The following ST8SIA4 variants were observed in gnomAD, a reference collection of about 807,000 sequenced individuals.
ST8SIA4 encodes CMP-N-acetylneuraminate-poly-alpha-2,8-sialyltransferase.
Under a neutral mutation model 33.9 loss-of-function variants are expected in ST8SIA4, and 15 were observed. That is an observed-to-expected ratio of 0.44 (90% CI 0.30 to 0.68). The LOEUF is 0.68. Ranked by LOEUF, ST8SIA4 falls within the 30% of genes least tolerant of loss-of-function variation. ST8SIA4 has a pLI of 0.10. For synonymous variants in ST8SIA4, 171 were observed against 151.2 expected, an observed-to-expected ratio of 1.13 and a Z score of -0.96; for missense variants, 321 against 428.0, an observed-to-expected ratio of 0.75 and a Z score of 2.21.
chr5:100,900,850 C>T (rs889277753), intron 1 of ST8SIA4, among the ~76,000 whole-genome samples: 3 of 152,194 alleles, frequency 2.0e-5, no homozygotes, highest in Non-Finnish European at 4.4e-5. Context: ...TCTTCTCACT[C>T]ATTCTTTCCC....
rs949768782 is a variant in ST8SIA4, at chr5:100,859,193, C to A, written c.504-2797G>T. Among the ~76,000 whole-genome samples the A allele has an allele frequency of 4.6e-5, 7 of 152,130 alleles. No homozygotes were observed. The East Asian group carries it at 1.3e-3, about 29-fold the overall frequency. ...ACTAGCAGCAAAACTGCTGATTGAG[C>A]AGGATTATGAATATATTTGCCATCA... On this transcript the variant is annotated intron_variant, in intron 3 of 4. Coordinates refer to ENST00000231461, the MANE Select transcript of ST8SIA4 (RefSeq NM_005668.6).
In ST8SIA4 at chr5:100,839,427, T is replaced by G. The variant is rs962123951; in HGVS notation, c.797+16676A>C. 7.9e-5 allele frequency among the ~76,000 whole-genome samples: 12 copies of G among 152,018 alleles called. 1 individual carries two copies. The highest frequency in any genetic ancestry group is 5.9e-5 in the Non-Finnish European group (4 of 67,932). ...AATGAAATGCTTCAGAACTCAGCTA[T>G]AGAATTTATGTTCTCTTTGTTAAAT... is the stretch of plus-strand genomic sequence containing the variant. On this transcript the variant is annotated intron_variant, in intron 4 of 4. Coordinates refer to ENST00000231461, the MANE Select transcript of ST8SIA4 (RefSeq NM_005668.6).
chr5:100,856,687 T>G (rs937134043), intron 3 of ST8SIA4, among the ~76,000 whole-genome samples: 2 of 152,192 alleles, frequency 1.3e-5, no homozygotes, highest in African/African-American at 4.8e-5. Context: ...ACCACACAAT[T>G]TGAATTTGTA....
At chr5:100,820,693 A>T (rs1751016307) in intron 4 of ST8SIA4, among the ~76,000 whole-genome samples, 1 of 152,156 alleles carries the variant, frequency 6.6e-6, no homozygotes, top group Admixed American at 6.5e-5. Context: ...ACCATGTCAG[A>T]TTGTTGAATG....
chr5:100,889,406 G>A (rs768425608), intron 2 of ST8SIA4, among the ~76,000 whole-genome samples: 9 of 151,848 alleles, frequency 5.9e-5, no homozygotes, highest in Non-Finnish European at 8.8e-5. Flanking sequence ...ATTTGAAGAT[G>A]TACACTCCCA....
At chr5:100,850,225 T>A (rs1273430909) in intron 4 of ST8SIA4, among the ~76,000 whole-genome samples, 1 of 152,154 alleles carries the variant, frequency 6.6e-6, no homozygotes, top group Non-Finnish European at 1.5e-5. Flanking sequence ...ACTTTAGAAT[T>A]ATTTACTATG....
chr5:100,828,828 G>A (rs1445217765), intron 4 of ST8SIA4, among the ~76,000 whole-genome samples: 1 of 151,606 alleles, frequency 6.6e-6, no homozygotes, highest in Admixed American at 6.6e-5. Flanking sequence ...GAAGAGTTCC[G>A]TTTTTTTTCA....
chr5:100,901,971 G>T (rs1314016632), intron 1 of ST8SIA4, among the ~76,000 whole-genome samples: 1 of 152,146 alleles, frequency 6.6e-6, no homozygotes, highest in Non-Finnish European at 1.5e-5. Flanking sequence ...GATAGAGGAC[G>T]CCTCCAAACC....
chr5:100,843,321 G>A (rs780539026), intron 4 of ST8SIA4, among the ~76,000 whole-genome samples: 18 of 151,902 alleles, frequency 1.2e-4, no homozygotes, highest in Admixed American at 4.6e-4. Flanking sequence ...GACAATAAAA[G>A]TTTATATTGT....
chr5:100,895,704 C>T lies in ST8SIA4; in HGVS notation c.195G>A (p.Gln65=), dbSNP rs144123874. ...IIRKAGSSIF[Q]HNVEGWKINS... is the part of the protein sequence containing the mutation. Reference sequence around the variant, plus strand: ...TGATTTTCCAACCTTCTACATTGTGCTGGAAGATTGAAGAGCCAGCCTTTC... The same window carrying T: ...TGATTTTCCAACCTTCTACATTGTGTTGGAAGATTGAAGAGCCAGCCTTTC... The change falls in exon 2 of 5, where the codon CAG becomes CAA. Residue 65 remains glutamine, a synonymous_variant. Coordinates refer to ENST00000231461, the MANE Select transcript of ST8SIA4 (RefSeq NM_005668.6). The T allele has an allele frequency of 3.2e-3, 5,122 of 1,612,786 alleles. 16 individuals carry two copies. The highest frequency in any genetic ancestry group is 4.0e-3 in the Non-Finnish European group (4,662 of 1,179,078).
At chr5:100,881,902 C>G (rs1752433736) in intron 3 of ST8SIA4, among the ~76,000 whole-genome samples, 1 of 152,198 alleles carries the variant, frequency 6.6e-6, no homozygotes, top group Admixed American at 6.5e-5. Flanking sequence ...AATTCTGAGG[C>G]CTCTCCAGCC....
At chr5:100,896,135 A>G (rs1752775085) in intron 1 of ST8SIA4, among the ~76,000 whole-genome samples, 1 of 152,090 alleles carries the variant, frequency 6.6e-6, no homozygotes. Context: ...GATGTCAAAG[A>G]GATGCTTGCA....
intron 4 of ST8SIA4, among the ~76,000 whole-genome samples, chr5:100,834,712 C>G (rs1751329963): frequency 6.6e-6 from 1 of 151,982 alleles, no homozygotes; most frequent in African/African-American, 2.4e-5. Context: ...TGGGTTCTCA[C>G]AGGATATGAT....
chr5:100,899,940 A>G (rs1752864208), intron 1 of ST8SIA4, among the ~76,000 whole-genome samples: 1 of 152,224 alleles, frequency 6.6e-6, no homozygotes, highest in Non-Finnish European at 1.5e-5. Flanking sequence ...TTCAATAATC[A>G]TTACTTGACC....
intron 3 of ST8SIA4, among the ~76,000 whole-genome samples, chr5:100,883,024 C>T (rs200539327): frequency 7.9e-5 from 12 of 152,276 alleles, no homozygotes; most frequent in East Asian, 5.8e-4. Flanking sequence ...CACCGCCTAG[C>T]GGAGCTGTGA....
intron 3 of ST8SIA4, among the ~76,000 whole-genome samples, chr5:100,883,162 G>A (rs543151428): frequency 6.6e-6 from 1 of 152,198 alleles, no homozygotes; most frequent in African/African-American, 2.4e-5. Flanking sequence ...ATCCTGCAAA[G>A]CCACAGAGGC....
chr5:100,841,815 A>G (rs2548279), intron 4 of ST8SIA4, among the ~76,000 whole-genome samples: 92,878 of 151,650 alleles, frequency 0.61, 28,918 homozygotes, highest in South Asian at 0.74. Flanking sequence ...ATCTCTAATC[A>G]GTGACAAATT....
chr5:100,858,061 G>A (rs911272909), intron 3 of ST8SIA4, among the ~76,000 whole-genome samples: 1 of 151,948 alleles, frequency 6.6e-6, no homozygotes, highest in Non-Finnish European at 1.5e-5. Flanking sequence ...TGCTGCATGC[G>A]AATACTTGTC....
At chr5:100,864,576 A>G (rs1457086155) in intron 3 of ST8SIA4, among the ~76,000 whole-genome samples, 1 of 56,636 alleles carries the variant, frequency 1.8e-5, no homozygotes, top group South Asian at 4.1e-4. Flanking sequence ...CTCCGGCTCA[A>G]AAAAAAAAAA....
Sources: gnomAD v4.1 joint callset for allele counts (sites outside exome capture counted in the v4.1 genomes callset) on GRCh38, gnomAD v4.1.1 for gene constraint, MANE v1.5 for transcripts, NCBI Gene and HGNC (gene_info 2026-07-23, HGNC 2026-07-21) for gene names.